The following RPS7 variants were observed in gnomAD, a reference collection of about 807,000 sequenced individuals.
The protein encoded by RPS7 is small ribosomal subunit protein eS7.
In RPS7, 1 loss-of-function variant was observed where a neutral mutation model predicts 22.1. The ratio of observed to expected loss-of-function variants is 0.05; its 90% CI spans 0.02 to 0.21. RPS7 has a LOEUF of 0.21. RPS7 is among the 10% of genes least tolerant of loss of function. The probability of loss-of-function intolerance (pLI) is 1.00; values close to 1 mark genes in which losing one functional copy is unlikely to be tolerated. For missense variants in RPS7, 137 were observed against 246.4 expected (o/e 0.56, Z 2.97); for synonymous variants, 80 against 92.0 (o/e 0.87, Z 0.74).
At chr2:3,576,775 C>G (rs555506273) in intron 4 of RPS7, 145 bp downstream of exon 4, 1 of 1,069,336 alleles carries the variant, frequency 9.4e-7, no homozygotes, top group Admixed American at 1.7e-5. Flanking sequence ...GGCAGAGCGC[C>G]GTGGCTTAGG....
chr2:3,577,450 A>C, intron 4 of RPS7: 1 of 521,964 alleles, frequency 1.9e-6, no homozygotes, highest in Non-Finnish European at 3.4e-6. Flanking sequence ...GGTCATAGGC[A>C]TGGGGAAAGG....
At position 3,577,707 on chromosome 2, in the gene RPS7, C is replaced by T. The variant is rs1572359212; in HGVS notation, c.292-3C>T. ...TTGTTACATGATAATTTTTACCTTA[C>T]AGAGGAGAATTCTGCCTAAGCCAAC... On this transcript the variant is annotated splice_region_variant and splice_polypyrimidine_tract_variant and intron_variant, in intron 4 of 6. Coordinates refer to ENST00000645674, the MANE Select transcript of RPS7 (RefSeq NM_001011.4). The T allele has an allele frequency of 6.2e-7, 1 of 1,607,214 alleles. No homozygotes were observed. The highest frequency in any genetic ancestry group is 2.2e-5 in the East Asian group (1 of 44,834).
At position 3,580,263 on chromosome 2, in the gene RPS7, A is replaced by AAT. The variant is rs1661372681; in HGVS notation, c.507+5_507+6dup. ...AGCAGAACAATGTGGAACACAAGGT[A>AAT]ATAGGTCAACATTTTATCATGGAAA... On this transcript the variant is annotated splice_donor_region_variant and intron_variant, in intron 6 of 6. Transcript: ENST00000645674. 1 of 1,613,530 alleles carries AAT rather than the reference A, an allele frequency of 6.2e-7. No individual in the cohort carries two copies. Among genetic ancestry groups the AAT allele is most frequent in the African/African-American group, 1.3e-5 (1 of 74,858 alleles).
chr2:3,580,225 T>C lies in RPS7; in HGVS notation c.472T>C (p.Leu158=), dbSNP rs748972262. ...TGGCAGCCGGCTCATAAAGGTTCAT[T>C]TGGACAAAGCACAGCAGAACAATGT... ...LDGSRLIKVH[L]DKAQQNNVEH... is the part of the protein sequence containing the mutation. The change falls in exon 6 of 7, where the codon TTG becomes CTG. Residue 158 remains leucine (L), a synonymous_variant. Coordinates refer to ENST00000645674, the MANE Select transcript of RPS7 (RefSeq NM_001011.4). 14 of 1,613,378 alleles carry C rather than the reference T, an allele frequency of 8.7e-6. No individual in the cohort carries two copies. Among genetic ancestry groups the C allele is most frequent in the Admixed American group, 5.0e-5 (3 of 59,878 alleles).
At chr2:3,580,483 CTCTT>C (rs1241837458) in intron 6 of RPS7, 10 of 654,084 alleles carry the variant, frequency 1.5e-5, no homozygotes, top group Non-Finnish European at 2.2e-5. Flanking sequence ...TGGAAGTAGA[CTCTT>C]TCTGTGGTCT....
At chr2:3,575,522 G>T (rs985520738) in intron 1 of RPS7, 70 bp from the exon 2 acceptor site, 1 of 1,075,054 alleles carries the variant, frequency 9.3e-7, no homozygotes, top group Non-Finnish European at 1.4e-6. Flanking sequence ...TGGCCGGGGG[G>T]TGCGGGCGGG....
rs1661362448 is a variant in RPS7, at chr2:3,579,920, T to A, written c.357-190T>A. The A allele has an allele frequency of 4.7e-6, 3 of 637,244 alleles. No homozygotes were observed. The East Asian group carries it at 8.0e-5, about 17-fold the overall frequency. The allele number at this position is 637,244 out of a possible 1,614,324, so 39.5% of individuals were successfully genotyped here. On this transcript the variant is annotated intron_variant, in intron 5 of 6. Coordinates refer to ENST00000645674, the MANE Select transcript of RPS7 (RefSeq NM_001011.4). ...CTTTTGAAATAAATCAGTAAGCTAT[T>A]ACCCTATTCTAGGTAGGCAAAGGCT...
intron 2 of RPS7, 42 bp downstream of exon 2, chr2:3,575,726 C>T (rs943891324): frequency 5.6e-6 from 9 of 1,601,570 alleles, no homozygotes; most frequent in Non-Finnish European, 7.7e-6. Flanking sequence ...GGGAGGCGCC[C>T]CGCCCGGGAG....
At chr2:3,578,492 A>G (rs1248495308) in intron 5 of RPS7, 1 of 152,130 alleles carries the variant, frequency 6.6e-6, no homozygotes, top group Non-Finnish European at 1.5e-5. Flanking sequence ...TAATTTGCTG[A>G]TTGCAGCTAG....
intron 5 of RPS7, chr2:3,578,889 G>A (rs927988135): frequency 6.6e-6 from 1 of 152,178 alleles, no homozygotes; most frequent in Non-Finnish European, 1.5e-5. Context: ...TGTTTCTAGT[G>A]GGACCTAGTC....
At chr2:3,579,624 C>T (rs114049963) in intron 5 of RPS7, 2,826 of 180,996 alleles carry the variant, frequency 0.016, 53 homozygotes, top group Middle Eastern at 0.074. Context: ...GATATTCAGA[C>T]GAGGAGCAAG....
intron 5 of RPS7, chr2:3,578,029 A>G (rs1037635275): frequency 3.9e-6 from 2 of 506,936 alleles, no homozygotes; most frequent in Non-Finnish European, 7.0e-6. Flanking sequence ...ATTTGTGCAC[A>G]GGATAGGAAT....
chr2:3,576,195 C>T (rs1661275729), intron 3 of RPS7: 1 of 591,588 alleles, frequency 1.7e-6, no homozygotes, highest in African/African-American at 1.9e-5. Context: ...CTGTGGGGAG[C>T]TCAGGATGAG....
At chr2:3,580,059 C>CAACT in intron 5 of RPS7, 51 bp from the exon 6 acceptor site, 1 of 1,581,068 alleles carries the variant, frequency 6.3e-7, no homozygotes, top group Non-Finnish European at 8.7e-7. Context: ...TCTGGAGTTG[C>CAACT]CCAGAGGGCA....
intron 6 of RPS7, 99 bp downstream of exon 6, chr2:3,580,359 A>G: frequency 9.3e-7 from 1 of 1,071,690 alleles, no homozygotes; most frequent in Non-Finnish European, 1.4e-6. Flanking sequence ...TGACTGTAGT[A>G]AACTCAGGAC....
chr2:3,577,205 G>A (rs188058352), intron 4 of RPS7: 3,074 of 176,766 alleles, frequency 0.017, 60 homozygotes, highest in Middle Eastern at 0.052. Flanking sequence ...GCGTGGTGGT[G>A]GGCGCCTGTA....
At chr2:3,580,384 G>A (rs1011796669) in intron 6 of RPS7, 124 bp downstream of exon 6, 14 of 842,548 alleles carry the variant, frequency 1.7e-5, no homozygotes, top group Middle Eastern at 2.2e-4. Context: ...TCTTTTACCC[G>A]CACTTCAGCC....
At chr2:3,578,747 A>G (rs1054316199) in intron 5 of RPS7, 7 of 152,146 alleles carry the variant, frequency 4.6e-5, no homozygotes, top group African/African-American at 1.7e-4. Flanking sequence ...GGTTTTGGAA[A>G]CTCAGTTCTG....
At chr2:3,579,634 G>GT in intron 5 of RPS7, 2 of 185,604 alleles carry the variant, frequency 1.1e-5, no homozygotes, top group Admixed American at 1.1e-4. Flanking sequence ...CGAGGAGCAA[G>GT]ATTCCACTGG....
Sources: gnomAD v4.1 joint callset for allele counts on GRCh38, gnomAD v4.1.1 for gene constraint, MANE v1.5 for transcripts, NCBI Gene and HGNC (gene_info 2026-07-23, HGNC 2026-07-21) for gene names.